The following HGFAC variants were observed in gnomAD, a reference collection of about 807,000 sequenced individuals.
The protein encoded by HGFAC is hepatocyte growth factor activator serine protease.
A neutral mutation model predicts 70.6 loss-of-function variants in HGFAC; 76 were observed. That is an observed-to-expected ratio of 1.08 (90% CI 0.89 to 1.30). HGFAC has a LOEUF of 1.30. Ranked by LOEUF, HGFAC falls within the 50% of genes most tolerant of loss-of-function variation. The pLI is 0.00. For missense variants in HGFAC, 1,044 were observed against 933.7 expected, an observed-to-expected ratio of 1.12 and a Z score of -1.54; for synonymous variants, 464 against 405.3, an observed-to-expected ratio of 1.14 and a Z score of -1.74.
rs1725554750 is a variant in HGFAC, at chr4:3,447,529, C to A, written c.1393C>A (p.His465Asn). The A allele has an allele frequency of 6.2e-7, 1 of 1,612,588 alleles. No homozygotes were observed. The highest frequency in any genetic ancestry group is 1.7e-5 in the Admixed American group (1 of 60,004). ...RDSVSVVLGQHFFNRTTDVTQ... is the reference protein window; with the variant it reads ...RDSVSVVLGQNFFNRTTDVTQ... ...CAGCGTCTCCGTGGTGCTGGGCCAGCACTTCTTCAACCGCACGACGGACGT... is the reference window on the plus strand; with the variant it reads ...CAGCGTCTCCGTGGTGCTGGGCCAGAACTTCTTCAACCGCACGACGGACGT... Residue 465 changes from histidine (H) to asparagine (N), a missense_variant, in exon 11 of 14, where the codon CAC becomes AAC. Transcript: ENST00000382774.
In HGFAC at chr4:3,446,272, G is replaced by C; in HGVS notation, c.1333G>C (p.Ala445Pro). The C allele has an allele frequency of 6.2e-7, 1 of 1,607,420 alleles. No individual in the cohort carries two copies. The highest frequency in any genetic ancestry group is 8.5e-7 in the Non-Finnish European group (1 of 1,178,126). ...SLVHTCWVVS[A>P]AHCFSHSPPR... is the part of the protein sequence containing the mutation. Reference sequence around the variant, plus strand: ...GGTCCACACCTGCTGGGTGGTGTCGGCCGCCCACTGCTTCTCCCACAGGTG... The same window carrying C: ...GGTCCACACCTGCTGGGTGGTGTCGCCCGCCCACTGCTTCTCCCACAGGTG... The change falls in exon 10 of 14, where the codon GCC becomes CCC. Residue 445 changes from alanine (A) to proline (P), a missense_variant. Transcript: ENST00000382774.
intron 10 of HGFAC, among the ~76,000 whole-genome samples, chr4:3,447,182 G>A (rs1371443410): frequency 1.3e-5 from 2 of 152,180 alleles, no homozygotes; most frequent in Non-Finnish European, 2.9e-5. Flanking sequence ...CACTCGGGTC[G>A]GCCTTGCAGC....
chr4:3,446,496 C>T (rs1038953980), intron 10 of HGFAC, among the ~76,000 whole-genome samples: 3 of 152,160 alleles, frequency 2.0e-5, no homozygotes, highest in Admixed American at 6.5e-5. Context: ...CTCCAGAAAC[C>T]CTGTCCCTAT....
chr4:3,446,823 G>A (rs1560193954), intron 10 of HGFAC, among the ~76,000 whole-genome samples: 1 of 152,178 alleles, frequency 6.6e-6, no homozygotes, highest in African/African-American at 2.4e-5. Context: ...TTCCACCTTC[G>A]ATGGGCACCC....
chr4:3,449,062 C>T (rs985716337), intron 13 of HGFAC, among the ~76,000 whole-genome samples, 175 bp from the exon 14 acceptor site: 1 of 152,134 alleles, frequency 6.6e-6, no homozygotes, highest in African/African-American at 2.4e-5. Context: ...ATGCCCTGGC[C>T]CAGCCAGTGC....
At chr4:3,445,469 G>A in intron 9 of HGFAC, 119 bp downstream of exon 9, 1 of 750,494 alleles carries the variant, frequency 1.3e-6, no homozygotes, top group Non-Finnish European at 2.3e-6. Context: ...TGGGGAAACT[G>A]GAGCTCACGG....
chr4:3,443,315 C>T, intron 3 of HGFAC, 26 bp from the exon 4 acceptor site: 1 of 1,534,812 alleles, frequency 6.5e-7, no homozygotes, highest in African/African-American at 1.4e-5. Flanking sequence ...CCTGGGACCC[C>T]CATGCACGCA....
rs1372959463 is a variant in HGFAC, at chr4:3,447,991, C to A, written c.1592C>A (p.Ala531Glu). 1.3e-6 allele frequency: 2 copies of A among 1,578,216 alleles called. No individual in the cohort carries two copies. The highest frequency in any genetic ancestry group is 1.3e-5 in the African/African-American group (1 of 74,152). ...CLPEPGSTFP[A>E]GHKCQIAGWG... is the part of the protein sequence containing the mutation. ...CCCGAGCCCGGCAGCACCTTCCCCG[C>A]AGGACACAAGTGCCAGATTGCGGGC... The change falls in exon 12 of 14, where the codon GCA becomes GAA. Residue 531 changes from alanine to glutamate, a missense_variant. Coordinates refer to ENST00000382774, the MANE Select transcript of HGFAC (RefSeq NM_001528.4).
chr4:3,443,325 A>G lies in HGFAC; in HGVS notation c.396-16A>G. ...CTCTGCCTGGGACCCCCATGCACGCAGGTGTCGCCCCCCAGGTGTGCCACA... is the reference window on the plus strand; with the variant it reads ...CTCTGCCTGGGACCCCCATGCACGCGGGTGTCGCCCCCCAGGTGTGCCACA... On this transcript the variant is annotated splice_polypyrimidine_tract_variant and intron_variant, in intron 3 of 13. Transcript: ENST00000382774. The G allele has an allele frequency of 6.5e-7, 1 of 1,540,426 alleles. No homozygotes were observed. Among genetic ancestry groups the G allele is most frequent in the Admixed American group, 2.0e-5 (1 of 50,136 alleles).
chr4:3,442,167 T>C (rs777459792), intron 1 of HGFAC, 49 bp downstream of exon 1: 2 of 1,408,694 alleles, frequency 1.4e-6, no homozygotes, highest in Non-Finnish European at 1.9e-6. Context: ...CAGTGGCTAC[T>C]TGGGGTCCTT....
chr4:3,447,649 G>T lies in HGFAC; in HGVS notation c.1495+18G>T. Reference sequence around the variant, plus strand: ...CGACCTCGGTGAGCTCCGGCGTGTCGTGGCTGCACTCTGGGCAGGTGGGCC... The same window carrying T: ...CGACCTCGGTGAGCTCCGGCGTGTCTTGGCTGCACTCTGGGCAGGTGGGCC... On this transcript the variant is annotated intron_variant, in intron 11 of 13. Transcript: ENST00000382774. 1 of 1,611,654 alleles carries T rather than the reference G, an allele frequency of 6.2e-7. No individual in the cohort carries two copies. The highest frequency in any genetic ancestry group is 8.5e-7 in the Non-Finnish European group (1 of 1,179,164).
chr4:3,441,957 G>GCTCTGCTCCCGCCTCCCACTGCCC, upstream of HGFAC: 1 of 1,162,762 alleles, frequency 8.6e-7, no homozygotes, highest in Non-Finnish European at 1.2e-6. This position sits in a 1 kb window ranked among gnomAD's most constrained non-coding sequence, Gnocchi z 6.0. Context: ...TGCCTTGGCC[G>GCTCTGCTCCCGCCTCCCACTGCCC]CTCTGCTCCC....
intron 1 of HGFAC, among the ~76,000 whole-genome samples, chr4:3,442,421 G>A (rs370790441): frequency 2.6e-5 from 4 of 152,330 alleles, no homozygotes; most frequent in Middle Eastern, 3.4e-3. Context: ...GTCTGGATGC[G>A]TGAGGTTGGG....
chr4:3,444,551 G>A (rs1487483870), intron 6 of HGFAC, 72 bp from the exon 7 acceptor site: 19 of 1,505,310 alleles, frequency 1.3e-5, no homozygotes, highest in African/African-American at 2.7e-5. Flanking sequence ...ACAAGGGGTG[G>A]ACCCCGGCCC....
chr4:3,445,058 C>G, intron 8 of HGFAC, 65 bp downstream of exon 8: 1 of 1,457,242 alleles, frequency 6.9e-7, no homozygotes, highest in African/African-American at 1.4e-5. Flanking sequence ...GGGGAGAGGC[C>G]CCCCGGCTCC....
At chr4:3,441,602 C>T (rs1292854103), upstream of HGFAC, among the ~76,000 whole-genome samples, 4 of 152,228 alleles carry the variant, frequency 2.6e-5, no homozygotes, top group South Asian at 2.1e-4. This position sits in a 1 kb window ranked among gnomAD's most constrained non-coding sequence, Gnocchi z 6.0. Context: ...GCCCAGCGCC[C>T]GTAGTGGCTC....
chr4:3,444,771 G>T (rs1406215085), intron 7 of HGFAC, 38 bp downstream of exon 7: 18 of 1,577,224 alleles, frequency 1.1e-5, no homozygotes, highest in Non-Finnish European at 1.5e-5. Flanking sequence ...CTGGGGCAGT[G>T]CCGGGTGGAC....
At chr4:3,445,568 C>T (rs924095100) in intron 9 of HGFAC, 16 of 606,798 alleles carry the variant, frequency 2.6e-5, no homozygotes, top group Admixed American at 1.1e-4. Context: ...CACCAGGCGA[C>T]GGCCTCGGGG....
At position 3,446,061 on chromosome 4, in the gene HGFAC, A is replaced by G; in HGVS notation, c.1122A>G (p.Gln374=). 2.5e-6 allele frequency: 4 copies of G among 1,609,258 alleles called. No individual in the cohort carries two copies. Among genetic ancestry groups the G allele is most frequent in the African/African-American group, 1.3e-5 (1 of 74,938 alleles). ...TCCCAGAATCCCTCACCAGAGTCCA[A>G]CTGTCACCGGATCTCCTGGCGACCC... ...LEACESLTRV[Q]LSPDLLATLP... is the part of the protein sequence containing the mutation. Residue 374 remains glutamine, a synonymous_variant, in exon 10 of 14, where the codon CAA becomes CAG. Transcript: ENST00000382774.
Sources: allele counts gnomAD v4.1 joint callset (sites outside exome capture counted in the v4.1 genomes callset), GRCh38; gene constraint gnomAD v4.1.1; non-coding constraint Gnocchi (gnomAD v3.1); transcripts MANE v1.5; gene names NCBI Gene and HGNC (gene_info 2026-07-23, HGNC 2026-07-21).